Variants in SEC23A observed in about 807,000 individuals in gnomAD.
SEC23A encodes protein transport protein Sec23A.
In SEC23A, 56 loss-of-function variants were observed where a neutral mutation model predicts 103.7. The observed-to-expected ratio is 0.54, with a 90% confidence interval of 0.44 to 0.67. The LOEUF is 0.67. Ranked by LOEUF, SEC23A falls within the 30% of genes least tolerant of loss-of-function variation. SEC23A has a pLI of 0.00. For missense variants in SEC23A, 784 were observed against 936.4 expected (o/e 0.84, Z 2.12); for synonymous variants, 281 against 293.0 (o/e 0.96, Z 0.42).
At chr14:39,072,644 A>G (rs1217886964) in intron 9 of SEC23A, among the ~76,000 whole-genome samples, 2 of 149,990 alleles carry the variant, frequency 1.3e-5, no homozygotes, top group Non-Finnish European at 3.0e-5. Context: ...CCTCGTCTCC[A>G]CAAAAAAAAA....
At chr14:39,063,973 G>A (rs954744758) in intron 11 of SEC23A, among the ~76,000 whole-genome samples, 1 of 136,284 alleles carries the variant, frequency 7.3e-6, no homozygotes, top group African/African-American at 2.5e-5. Context: ...TCCAACCTGC[G>A]AGGCAAAGCG....
chr14:39,051,611 T>C (rs920765651), intron 14 of SEC23A, among the ~76,000 whole-genome samples: 7 of 152,144 alleles, frequency 4.6e-5, no homozygotes, highest in African/African-American at 1.4e-4. Context: ...CCATCAATAA[T>C]AGACTGGATA....
At chr14:39,046,714 TCCTTCCCTTCCA>T (rs1372440887) in intron 15 of SEC23A, among the ~76,000 whole-genome samples, 1 of 152,218 alleles carries the variant, frequency 6.6e-6, no homozygotes, top group Non-Finnish European at 1.5e-5. Flanking sequence ...CCTTTCACTT[TCCTTCCCTTCCA>T]CCTACTCCTC....
chr14:39,062,583 T>A (rs1029949312), intron 12 of SEC23A, among the ~76,000 whole-genome samples: 3 of 152,128 alleles, frequency 2.0e-5, no homozygotes, highest in African/African-American at 7.2e-5. Flanking sequence ...TATATAATAA[T>A]TATCATCAGA....
intron 14 of SEC23A, among the ~76,000 whole-genome samples, chr14:39,051,902 G>A (rs896741387): frequency 2.6e-5 from 4 of 151,874 alleles, no homozygotes; most frequent in African/African-American, 9.7e-5. Context: ...TGGAGGAGGA[G>A]GTTGCAGTGA....
At chr14:39,037,740 G>C (rs1410295330) in intron 19 of SEC23A, among the ~76,000 whole-genome samples, 1 of 152,012 alleles carries the variant, frequency 6.6e-6, no homozygotes, top group African/African-American at 2.4e-5. Context: ...GTTCTTTATA[G>C]CTATTCTCTC....
At chr14:39,071,817 T>C (rs11620885) in intron 9 of SEC23A, among the ~76,000 whole-genome samples, 20,271 of 152,030 alleles carry the variant, frequency 0.13, 1,410 homozygotes, top group Middle Eastern at 0.18. Flanking sequence ...TGAACCGAGA[T>C]CACGCCACTG....
At chr14:39,049,735 G>A (rs970583486) in intron 14 of SEC23A, among the ~76,000 whole-genome samples, 6 of 151,718 alleles carry the variant, frequency 4.0e-5, no homozygotes, top group South Asian at 2.1e-4. Flanking sequence ...AGCCATGATC[G>A]TGCCACTGCA....
At chr14:39,086,867 A>C in intron 6 of SEC23A, 62 bp downstream of exon 6, 1 of 943,192 alleles carries the variant, frequency 1.1e-6, no homozygotes, top group Non-Finnish European at 1.8e-6. Context: ...CCTATGTTCA[A>C]GGGTATGGAA....
chr14:39,058,339 C>T (rs1886318748), intron 13 of SEC23A, among the ~76,000 whole-genome samples: 1 of 150,174 alleles, frequency 6.7e-6, no homozygotes. Context: ...CTCGCTCTGT[C>T]GCCCAGGCTG....
intron 7 of SEC23A, among the ~76,000 whole-genome samples, chr14:39,083,563 CTTT>C (rs71130810): frequency 2.5e-4 from 23 of 91,818 alleles, no homozygotes; most frequent in Non-Finnish European, 4.4e-4. Flanking sequence ...AATAAACTTT[CTTT>C]TTTTTTTTTT....
At chr14:39,035,779 C>T (rs1288098436) in intron 19 of SEC23A, among the ~76,000 whole-genome samples, 1 of 152,126 alleles carries the variant, frequency 6.6e-6, no homozygotes, top group East Asian at 1.9e-4. Flanking sequence ...ATGAAAATGA[C>T]AGTTATTGCC....
chr14:39,053,418 T>C (rs892689809), intron 14 of SEC23A, among the ~76,000 whole-genome samples: 1 of 152,052 alleles, frequency 6.6e-6, no homozygotes, highest in African/African-American at 2.4e-5. Flanking sequence ...GTTATATCTA[T>C]CTGGAAACAA....
chr14:39,064,971 G>A lies in SEC23A; in HGVS notation c.1250C>T (p.Ser417Leu). ...TGACACACAGGGTCCAATAGCTCCT[G>A]AAATCTTTATTTCCCTTGAGGTCTG... is the stretch of plus-strand genomic sequence containing the variant. ...EIKTSREIKISGAIGPCVSLN... is the reference protein window; with the variant it reads ...EIKTSREIKILGAIGPCVSLN... Residue 417 changes from serine to leucine, a missense_variant, in exon 11 of 20, where the codon TCA becomes TTA. Physicochemically the swap from Ser to Leu is moderately radical, Grantham distance 145. Coordinates refer to ENST00000307712, the MANE Select transcript of SEC23A (RefSeq NM_006364.4). 6.2e-7 allele frequency: 1 copy of A among 1,612,744 alleles called. No individual in the cohort carries two copies.
chr14:39,081,889 C>T (rs1391378899), intron 7 of SEC23A, among the ~76,000 whole-genome samples: 1 of 152,058 alleles, frequency 6.6e-6, no homozygotes, highest in South Asian at 2.1e-4. Context: ...TTCTTAGCTC[C>T]ATCCGCTGGG....
intron 10 of SEC23A, 36 bp downstream of exon 10, chr14:39,067,137 G>T (rs767428121): frequency 1.4e-5 from 23 of 1,611,964 alleles, no homozygotes; most frequent in Non-Finnish European, 1.7e-5. Flanking sequence ...GTTGTCTTTT[G>T]ATAACATATC....
chr14:39,097,900 C>G (rs1390595785), intron 1 of SEC23A, among the ~76,000 whole-genome samples: 2 of 152,052 alleles, frequency 1.3e-5, no homozygotes, highest in Non-Finnish European at 2.9e-5. Flanking sequence ...GCCTGGTCAA[C>G]ATGGCAAAAC....
intron 2 of SEC23A, among the ~76,000 whole-genome samples, chr14:39,095,465 G>C (rs574644906): frequency 6.6e-6 from 1 of 152,006 alleles, no homozygotes; most frequent in African/African-American, 2.4e-5. Flanking sequence ...CCCCAGCTAA[G>C]TTTTGTATTT....
chr14:39,081,136 T>C (rs978174192), intron 7 of SEC23A, among the ~76,000 whole-genome samples: 6 of 151,816 alleles, frequency 4.0e-5, no homozygotes, highest in African/African-American at 1.5e-4. Context: ...GACCAGGAGT[T>C]TGAGGTTGCA....
Sources: allele counts gnomAD v4.1 joint callset (sites outside exome capture counted in the v4.1 genomes callset), GRCh38; gene constraint gnomAD v4.1.1; transcripts MANE v1.5; gene names NCBI Gene and HGNC (gene_info 2026-07-23, HGNC 2026-07-21).